The following DCC variants were observed in gnomAD, a reference collection of about 807,000 sequenced individuals.
The protein encoded by DCC is netrin receptor DCC.
In DCC, 58 loss-of-function variants were observed where a neutral mutation model predicts 172.5. That is an observed-to-expected ratio of 0.34 (90% confidence interval 0.27 to 0.42). The LOEUF (loss-of-function observed/expected upper bound fraction) is 0.42. Ranked by LOEUF, DCC falls within the 10% of genes least tolerant of loss-of-function variation. The probability of loss-of-function intolerance (pLI) is 1.00; values close to 1 mark genes in which losing one functional copy is unlikely to be tolerated. For missense variants in DCC, 1,740 were observed against 1,791.0 expected, an observed-to-expected ratio of 0.97 and a Z score of 0.51; for synonymous variants, 709 against 644.5, an observed-to-expected ratio of 1.10 and a Z score of -1.52.
intron 2 of DCC, among the ~76,000 whole-genome samples, chr18:52,776,690 T>A (rs969321333): frequency 6.6e-6 from 1 of 151,864 alleles, no homozygotes; most frequent in African/African-American, 2.4e-5. Flanking sequence ...GAAGGATAAA[T>A]AAAAGTTTCA....
intron 5 of DCC, among the ~76,000 whole-genome samples, chr18:52,973,910 T>G (rs1462579218): frequency 6.6e-6 from 1 of 152,186 alleles, no homozygotes; most frequent in Admixed American, 6.5e-5. Flanking sequence ...CAAAGAAGAT[T>G]CATTGAATGT....
intron 7 of DCC, among the ~76,000 whole-genome samples, chr18:53,146,794 A>T (rs1459372422): frequency 6.6e-6 from 1 of 152,228 alleles, no homozygotes; most frequent in Non-Finnish European, 1.5e-5. Flanking sequence ...TAAAATAGAT[A>T]CATTTGTTAT....
chr18:52,808,671 T>C (rs2038135516), intron 2 of DCC, among the ~76,000 whole-genome samples: 1 of 152,168 alleles, frequency 6.6e-6, no homozygotes, highest in Non-Finnish European at 1.5e-5. Flanking sequence ...CACCTGCCAG[T>C]GGCAGGCAGA....
At chr18:52,601,997 A>G (rs775626260) in intron 1 of DCC, among the ~76,000 whole-genome samples, 1 of 152,026 alleles carries the variant, frequency 6.6e-6, no homozygotes, top group Admixed American at 6.6e-5. Flanking sequence ...CTGACTTGGG[A>G]TCAGTAATCA....
At chr18:53,396,636 G>A (rs1194231631) in intron 17 of DCC, among the ~76,000 whole-genome samples, 1 of 152,090 alleles carries the variant, frequency 6.6e-6, no homozygotes, top group Non-Finnish European at 1.5e-5. Context: ...CATTGCTTTT[G>A]TCTCATGTTC....
At chr18:53,200,779 A>G (rs1598899719) in intron 9 of DCC, among the ~76,000 whole-genome samples, 1 of 151,388 alleles carries the variant, frequency 6.6e-6, no homozygotes, top group Non-Finnish European at 1.5e-5. Context: ...GCTGTGCATG[A>G]CCTCCCGCTC....
intron 1 of DCC, among the ~76,000 whole-genome samples, chr18:52,396,521 C>T (rs761690354): frequency 6.6e-6 from 1 of 151,968 alleles, no homozygotes; most frequent in Non-Finnish European, 1.5e-5. Flanking sequence ...TCCTGAAAGT[C>T]GCCCTGTGAT....
chr18:52,979,661 G>A (rs920984422), intron 5 of DCC, among the ~76,000 whole-genome samples: 2 of 152,162 alleles, frequency 1.3e-5, no homozygotes, highest in African/African-American at 2.4e-5. Flanking sequence ...CTTGTGTTCA[G>A]AGTTACCCAT....
At chr18:52,373,103 A>C (rs916931348) in intron 1 of DCC, among the ~76,000 whole-genome samples, 1 of 152,194 alleles carries the variant, frequency 6.6e-6, no homozygotes. Context: ...TTTTAAAAAA[A>C]TGTAAACACA....
In DCC at chr18:52,620,118, G is replaced by A. The variant is rs141671827; in HGVS notation, c.92-131936G>A. Among the ~76,000 whole-genome samples the A allele has an allele frequency of 3.3e-3, 499 of 152,288 alleles. 13 individuals are homozygous for A. The highest frequency in any genetic ancestry group is 2.4e-4 in the Non-Finnish European group (16 of 68,024). On this transcript the variant is annotated intron_variant, in intron 1 of 28. Transcript: ENST00000442544. ...CCAGTTAATTAAATGGCTCAGGCATGTCATTTTGGAAAAGCTTTGGATTTG... is the reference window on the plus strand; with the variant it reads ...CCAGTTAATTAAATGGCTCAGGCATATCATTTTGGAAAAGCTTTGGATTTG...
At chr18:53,463,518 G>T (rs1175645462) in intron 24 of DCC, among the ~76,000 whole-genome samples, 4 of 152,098 alleles carry the variant, frequency 2.6e-5, no homozygotes, top group African/African-American at 9.7e-5. Context: ...TAACAATGGG[G>T]TTCCTGAGTA....
intron 8 of DCC, among the ~76,000 whole-genome samples, chr18:53,160,610 C>T (rs1016134166): frequency 2.6e-5 from 4 of 152,114 alleles, no homozygotes; most frequent in African/African-American, 7.2e-5. Context: ...TGGGCTGATT[C>T]GTCTCACTTT....
chr18:53,177,694 G>T (rs1329338542), intron 8 of DCC, among the ~76,000 whole-genome samples: 1 of 152,098 alleles, frequency 6.6e-6, no homozygotes, highest in Non-Finnish European at 1.5e-5. Context: ...GTTTATTTTA[G>T]GCCAGGCCTG....
intron 2 of DCC, among the ~76,000 whole-genome samples, chr18:52,786,676 G>T (rs9941431): frequency 0.043 from 6,553 of 152,172 alleles, 219 homozygotes; most frequent in South Asian, 0.16. Flanking sequence ...ATACCTGTGA[G>T]TTGGGTGATC....
intron 1 of DCC, among the ~76,000 whole-genome samples, chr18:52,703,510 A>G (rs2036159003): frequency 6.6e-6 from 1 of 151,898 alleles, no homozygotes; most frequent in Admixed American, 6.6e-5. Flanking sequence ...TTATTTTTTT[A>G]GCCTCTTAAT....
At chr18:52,909,625 G>A (rs2039939969) in intron 3 of DCC, among the ~76,000 whole-genome samples, 1 of 152,252 alleles carries the variant, frequency 6.6e-6, no homozygotes. Context: ...CCAAGTAACT[G>A]AGGTCTATTA....
In DCC at chr18:52,923,849, C is replaced by T. The variant is rs1428393731; in HGVS notation, c.840C>T (p.Ile280=). The change falls in exon 4 of 29, where the codon ATC becomes ATT. Residue 280 remains isoleucine, a synonymous_variant. Coordinates refer to ENST00000442544, the MANE Select transcript of DCC (RefSeq NM_005215.4). ...SFTWLRGEEV[I]QLRSKKYSLL... ...CCTGGTTACGAGGCGAGGAAGTCAT[C>T]CAACTCAGGTATTTCACATTTAAGA... is the stretch of plus-strand genomic sequence containing the variant. The T allele has an allele frequency of 5.0e-6, 8 of 1,612,816 alleles. No individual in the cohort carries two copies. The highest frequency in any genetic ancestry group is 2.7e-5 in the African/African-American group (2 of 74,986).
chr18:52,374,783 T>C (rs1985276184), intron 1 of DCC, among the ~76,000 whole-genome samples: 1 of 152,216 alleles, frequency 6.6e-6, no homozygotes, highest in Non-Finnish European at 1.5e-5. Context: ...CAATCTTTTG[T>C]TCTGGTCTAG....
intron 1 of DCC, among the ~76,000 whole-genome samples, chr18:52,365,524 G>GT (rs1984808298): frequency 6.6e-6 from 1 of 152,004 alleles, no homozygotes; most frequent in African/African-American, 2.4e-5. Flanking sequence ...CAATTGCTTG[G>GT]GTGGGGTTTA....
Sources: allele counts gnomAD v4.1 joint callset (sites outside exome capture counted in the v4.1 genomes callset), GRCh38; gene constraint gnomAD v4.1.1; transcripts MANE v1.5; gene names NCBI Gene and HGNC (gene_info 2026-07-23, HGNC 2026-07-21).